KCNQ4: variants seen among roughly 807,000 people sequenced by gnomAD.
The protein encoded by KCNQ4 is potassium voltage-gated channel subfamily Q member 4.
Under a neutral mutation model 72.6 loss-of-function variants are expected in KCNQ4, and 31 were observed. The observed-to-expected ratio is 0.43, with a 90% CI of 0.32 to 0.58. The LOEUF is 0.58. Among genes scored for constraint, KCNQ4 ranks in the 20% least tolerant of loss-of-function variants. The probability of loss-of-function intolerance (pLI) is 0.08; values close to 1 mark genes in which losing one functional copy is unlikely to be tolerated. For missense variants in KCNQ4, 869 were observed against 962.6 expected, an observed-to-expected ratio of 0.90 and a Z score of 1.29; for synonymous variants, 405 against 403.7, an observed-to-expected ratio of 1.00 and a Z score of -0.04.
At chr1:40,818,052 TC>T in intron 2 of KCNQ4, 111 bp from the exon 3 acceptor site, 1 of 1,405,422 alleles carries the variant, frequency 7.1e-7, no homozygotes, top group Admixed American at 1.7e-5. Flanking sequence ...AGGAGAGGGG[TC>T]CGAGGAGGCC....
At chr1:40,813,842 G>T (rs1648001507) in intron 1 of KCNQ4, among the ~76,000 whole-genome samples, 1 of 151,736 alleles carries the variant, frequency 6.6e-6, no homozygotes, top group Admixed American at 6.6e-5. Flanking sequence ...CTGCCTCCTG[G>T]GTTCATGCCA....
intron 1 of KCNQ4, among the ~76,000 whole-genome samples, chr1:40,809,149 C>A (rs868280279): frequency 1.3e-5 from 2 of 152,186 alleles, no homozygotes; most frequent in South Asian, 4.1e-4. Flanking sequence ...CTTCACGTGG[C>A]CTCTCTGACA....
At chr1:40,823,623 A>G (rs1224888484) in intron 8 of KCNQ4, among the ~76,000 whole-genome samples, 1 of 152,180 alleles carries the variant, frequency 6.6e-6, no homozygotes, top group Non-Finnish European at 1.5e-5. Flanking sequence ...AGTTAGGAAG[A>G]AGCCACGGTC....
chr1:40,810,122 A>G (rs1647883070), intron 1 of KCNQ4, among the ~76,000 whole-genome samples: 1 of 151,608 alleles, frequency 6.6e-6, no homozygotes, highest in Admixed American at 6.6e-5. Flanking sequence ...ACAGTGCCTG[A>G]GAATGCTACT....
rs1648263669 is a variant in KCNQ4, at chr1:40,820,754, A to AGGAGACAGAAGGAACAGCCAGAGGGGT, written c.1041+497_1041+523dup. 7.2e-5 allele frequency among the ~76,000 whole-genome samples: 11 copies of AGGAGACAGAAGGAACAGCCAGAGGGGT among 152,318 alleles called. 1 individual carries two copies. The South Asian group carries it at 2.3e-3, about 32-fold the overall frequency. ...TGGGCCTGCAAAGTTGAGCTGGGCA[A>AGGAGACAGAAGGAACAGCCAGAGGGGT]GGAGACAGAAGGAACAGCCAGAGGG... On this transcript the variant is annotated intron_variant, in intron 7 of 13. Coordinates refer to ENST00000347132, the MANE Select transcript of KCNQ4 (RefSeq NM_004700.4).
rs745510596 is a variant in KCNQ4, at chr1:40,818,283, T to G, written c.525T>G (p.Cys175Trp). 1 of 1,613,804 alleles carries G rather than the reference T, an allele frequency of 6.2e-7. No homozygotes were observed. The highest frequency in any genetic ancestry group is 1.1e-5 in the South Asian group (1 of 91,084). The change falls in exon 3 of 14, where the codon TGT becomes TGG. Residue 175 changes from cysteine to tryptophan, a missense_variant. Coordinates refer to ENST00000347132, the MANE Select transcript of KCNQ4 (RefSeq NM_004700.4). Reference protein sequence around the residue: ...GRFRFARKPFCVIDFIVFVAS... With the variant: ...GRFRFARKPFWVIDFIVFVAS... The stretch of plus-strand genomic sequence containing the variant: ...TCCGCTTTGCCAGAAAGCCCTTCTG[T>G]GTCATCGGTAATGAGGCGCGCCCCG...
intron 12 of KCNQ4, among the ~76,000 whole-genome samples, chr1:40,836,001 C>T (rs2094468): frequency 0.065 from 9,893 of 151,910 alleles, 1,072 homozygotes; most frequent in African/African-American, 0.23. Flanking sequence ...GGTGTTCATC[C>T]AGGATGAGCT....
intron 1 of KCNQ4, among the ~76,000 whole-genome samples, chr1:40,801,681 A>G (rs1262216420): frequency 6.6e-6 from 1 of 151,874 alleles, no homozygotes; most frequent in Non-Finnish European, 1.5e-5. Context: ...GGGAACAGGG[A>G]CTCTTCCCAT....
At position 40,784,513 on chromosome 1, in the gene KCNQ4, C is replaced by T; in HGVS notation, c.314+106C>T. 1 of 1,084,466 alleles carries T rather than the reference C, an allele frequency of 9.2e-7. No individual in the cohort carries two copies. Among genetic ancestry groups the T allele is most frequent in the South Asian group, 1.3e-5 (1 of 78,786 alleles). 67.2% of individuals were successfully genotyped at this position (1,084,466 alleles called of 1,614,324 possible). On this transcript the variant is annotated intron_variant, in intron 1 of 13. Transcript: ENST00000347132. The surrounding 1 kb of genome is among the most constrained non-coding windows in gnomAD (Gnocchi z 4.1). The stretch of plus-strand genomic sequence containing the variant: ...CGCCTTCTACCCCCCTGCCTCAGGG[C>T]CGACCCTCATCTCTCTCCCCCCAGG...
Position 40,837,751 on chromosome 1 carries a change from A to G in KCNQ4, c.1832A>G (p.Asp611Gly), listed in dbSNP as rs770464964. 2.5e-6 allele frequency: 4 copies of G among 1,612,450 alleles called. 1 individual carries two copies. Among genetic ancestry groups the G allele is most frequent in the Non-Finnish European group, 3.4e-6 (4 of 1,179,436 alleles). ...DKGPSDAEVVDEISMMGRVVK... is the reference protein window; with the variant it reads ...DKGPSDAEVVGEISMMGRVVK... ...GGGCCCTCCGACGCGGAGGTGGTGGATGAAATCAGCATGATGGGACGCGTG... is the reference window on the plus strand; with the variant it reads ...GGGCCCTCCGACGCGGAGGTGGTGGGTGAAATCAGCATGATGGGACGCGTG... The change falls in exon 13 of 14, where the codon GAT becomes GGT. Residue 611 changes from aspartate to glycine, a missense_variant. By Grantham distance (94) the Asp-to-Gly change is moderately conservative (BLOSUM62 -1). Around this residue, in one of 5 missense-constraint regions of KCNQ4, gnomAD observed 480 missense variants for 501.9 expected, o/e 0.96. Transcript: ENST00000347132.
intron 1 of KCNQ4, among the ~76,000 whole-genome samples, chr1:40,785,623 C>T (rs1249624362): frequency 6.6e-6 from 1 of 152,126 alleles, no homozygotes; most frequent in Non-Finnish European, 1.5e-5. Flanking sequence ...TTCCATCCAT[C>T]TGTGGCCTGT....
intron 11 of KCNQ4, 101 bp from the exon 12 acceptor site, chr1:40,834,866 G>T: frequency 6.6e-7 from 1 of 1,507,434 alleles, no homozygotes; most frequent in Non-Finnish European, 9.1e-7. Context: ...AGCAGGAGGT[G>T]CCCTGGTGCT....
intron 10 of KCNQ4, 26 bp from the exon 11 acceptor site, chr1:40,832,988 C>T (rs759419476): frequency 2.5e-6 from 4 of 1,579,376 alleles, no homozygotes; most frequent in South Asian, 1.1e-5. Context: ...TTTGGTGGGC[C>T]ACTTGCCCCA....
chr1:40,837,827 T>C, intron 13 of KCNQ4, 33 bp downstream of exon 13: 1 of 1,590,950 alleles, frequency 6.3e-7, no homozygotes, highest in Non-Finnish European at 8.6e-7. Context: ...GAGCTGGCCA[T>C]ACCAAGAAGC....
chr1:40,829,092 T>C lies in KCNQ4; in HGVS notation c.1293-1992T>C, dbSNP rs139010011. 8.1e-3 allele frequency among the ~76,000 whole-genome samples: 1,241 copies of C among 152,376 alleles called. 22 individuals carry two copies. The highest frequency in any genetic ancestry group is 0.031 in the Admixed American group (471 of 15,306). On this transcript the variant is annotated intron_variant, in intron 9 of 13. Coordinates refer to ENST00000347132, the MANE Select transcript of KCNQ4 (RefSeq NM_004700.4). Reference sequence around the variant, plus strand: ...TTCTTTTGACAGGGAGGTTGCCCTCTTCTCCAGAACGCCATTGGAGCCTTA... The same window carrying C: ...TTCTTTTGACAGGGAGGTTGCCCTCCTCTCCAGAACGCCATTGGAGCCTTA...
intron 1 of KCNQ4, among the ~76,000 whole-genome samples, chr1:40,816,314 G>T (rs564352151): frequency 6.6e-6 from 1 of 152,256 alleles, no homozygotes; most frequent in African/African-American, 2.4e-5. Context: ...ATTCGCCTCT[G>T]CTGTGTCTGC....
intron 13 of KCNQ4, 130 bp from the exon 14 acceptor site, chr1:40,838,181 C>T: frequency 2.5e-6 from 2 of 807,816 alleles, no homozygotes; most frequent in Non-Finnish European, 4.1e-6. Context: ...CCTTTCCAGG[C>T]GGGATTTGTG....
intron 7 of KCNQ4, among the ~76,000 whole-genome samples, chr1:40,820,619 G>A (rs1188910223): frequency 1.3e-5 from 2 of 152,244 alleles, no homozygotes; most frequent in African/African-American, 4.8e-5. Context: ...CAGTAAGCCT[G>A]CCCCACTTCC....
chr1:40,818,182 G>A lies in KCNQ4; in HGVS notation c.424G>A (p.Val142Ile). 2 of 1,614,072 alleles carry A rather than the reference G, an allele frequency of 1.2e-6. No homozygotes were observed. The highest frequency in any genetic ancestry group is 1.7e-6 in the Non-Finnish European group (2 of 1,180,026). The change falls in exon 3 of 14, where the codon GTT becomes ATT. Residue 142 changes from valine (V) to isoleucine (I), a missense_variant. This residue lies in a region of KCNQ4 where 179 missense variants were observed against 243.0 expected (regional missense o/e 0.74). Coordinates refer to ENST00000347132, the MANE Select transcript of KCNQ4 (RefSeq NM_004700.4). ...LLILEFVMIV[V>I]FGLEYIVRVW... is the part of the protein sequence containing the mutation. ...CCCACAGGAATTCGTGATGATCGTG[G>A]TTTTCGGCTTGGAGTACATCGTCCG... is the stretch of plus-strand genomic sequence containing the variant.
Sources: gnomAD v4.1 joint callset for allele counts (sites outside exome capture counted in the v4.1 genomes callset) on GRCh38, gnomAD v4.1.1 for gene constraint, gnomAD v4.1.1 regional missense constraint, Gnocchi (gnomAD v3.1) non-coding constraint, MANE v1.5 for transcripts, NCBI Gene and HGNC (gene_info 2026-07-23, HGNC 2026-07-21) for gene names.